SDHC: variants seen among roughly 807,000 people sequenced by gnomAD.
SDHC encodes succinate dehydrogenase cytochrome b560 subunit, mitochondrial.
Under a neutral mutation model 22.6 loss-of-function variants are expected in SDHC, and 11 were observed. The observed-to-expected ratio is 0.49, with a 90% CI of 0.31 to 0.81. SDHC has a LOEUF of 0.81. Among genes scored for constraint, SDHC ranks in the 30% least tolerant of loss-of-function variants. The pLI is 0.05. For missense variants in SDHC, 160 were observed against 212.0 expected (o/e 0.75, Z 1.52); for synonymous variants, 80 against 77.8 (o/e 1.03, Z -0.15).
At chr1:161,321,731 C>A (rs139392775) in intron 1 of SDHC, among the ~76,000 whole-genome samples, 1 of 152,146 alleles carries the variant, frequency 6.6e-6, no homozygotes, top group Non-Finnish European at 1.5e-5. Context: ...TAATATGAAG[C>A]TTTTGAAAAG....
chr1:161,321,212 A>G (rs1483513975), intron 1 of SDHC, among the ~76,000 whole-genome samples: 3 of 152,240 alleles, frequency 2.0e-5, no homozygotes, highest in African/African-American at 7.2e-5. Context: ...GATTTCAGCA[A>G]TGATTACATT....
chr1:161,331,296 C>CTCACCCAG (rs1362452068), intron 3 of SDHC, among the ~76,000 whole-genome samples: 6 of 151,844 alleles, frequency 4.0e-5, no homozygotes, highest in Non-Finnish European at 8.8e-5. Flanking sequence ...CAGACAGAGT[C>CTCACCCAG]TCACCCAGTC....
At chr1:161,328,521 AGAAT>A (rs754144140) in intron 3 of SDHC, 24 bp downstream of exon 3, 12 of 1,505,290 alleles carry the variant, frequency 8.0e-6, no homozygotes, top group Non-Finnish European at 9.3e-7. Flanking sequence ...CTGGAGCCAG[AGAAT>A]CTAGAGGTAG....
At chr1:161,315,385 G>A (rs771810770) in intron 1 of SDHC, among the ~76,000 whole-genome samples, 6 of 152,170 alleles carry the variant, frequency 3.9e-5, no homozygotes, top group Non-Finnish European at 7.4e-5. Context: ...GTTGAAATCA[G>A]GGTTATCTTA....
chr1:161,321,557 A>G (rs1024903485), intron 1 of SDHC, among the ~76,000 whole-genome samples: 4 of 152,194 alleles, frequency 2.6e-5, no homozygotes, highest in Non-Finnish European at 2.9e-5. Context: ...TCAGAGTCAC[A>G]ATTCAATTGA....
intron 4 of SDHC, among the ~76,000 whole-genome samples, chr1:161,352,405 C>A (rs1202040782): frequency 6.6e-6 from 1 of 152,012 alleles, no homozygotes; most frequent in Non-Finnish European, 1.5e-5. Context: ...TCCTTGACCT[C>A]CCAGAGATTT....
chr1:161,341,414 G>C (rs927553544), intron 4 of SDHC, among the ~76,000 whole-genome samples: 1 of 152,104 alleles, frequency 6.6e-6, no homozygotes, highest in African/African-American at 2.4e-5. Context: ...TATATAATAT[G>C]AACTGCAGCT....
At chr1:161,329,341 T>C (rs916220411) in intron 3 of SDHC, among the ~76,000 whole-genome samples, 2 of 152,130 alleles carry the variant, frequency 1.3e-5, no homozygotes, top group African/African-American at 4.8e-5. Flanking sequence ...CTTCTTTTTT[T>C]ATTTTTCTGA....
intron 5 of SDHC, among the ~76,000 whole-genome samples, chr1:161,359,662 T>A (rs937279523): frequency 6.6e-6 from 1 of 152,230 alleles, no homozygotes; most frequent in African/African-American, 2.4e-5. Flanking sequence ...AATCTTTTTG[T>A]TGAGGGAAGT....
intron 4 of SDHC, among the ~76,000 whole-genome samples, chr1:161,352,428 AT>A (rs1324518997): frequency 6.6e-6 from 1 of 152,088 alleles, no homozygotes; most frequent in African/African-American, 2.4e-5. Flanking sequence ...ATAAAAAAAA[AT>A]TTTTCCTGAT....
chr1:161,342,908 G>T (rs1671770388), intron 4 of SDHC, among the ~76,000 whole-genome samples: 1 of 152,184 alleles, frequency 6.6e-6, no homozygotes, highest in African/African-American at 2.4e-5. Flanking sequence ...CTTATGTAAA[G>T]CTCTGTCTGA....
At chr1:161,343,366 G>A (rs1014099830) in intron 4 of SDHC, among the ~76,000 whole-genome samples, 1 of 152,136 alleles carries the variant, frequency 6.6e-6, no homozygotes, top group Non-Finnish European at 1.5e-5. Context: ...ATATATGTGT[G>A]TGTGTATATA....
chr1:161,346,007 T>TG (rs1483184737), intron 4 of SDHC, among the ~76,000 whole-genome samples: 3 of 151,434 alleles, frequency 2.0e-5, no homozygotes, highest in Non-Finnish European at 2.9e-5. Context: ...GGTCTCACTA[T>TG]TTGGCCAGGC....
At chr1:161,318,592 C>G (rs1410469797) in intron 1 of SDHC, among the ~76,000 whole-genome samples, 1 of 152,152 alleles carries the variant, frequency 6.6e-6, no homozygotes, top group Non-Finnish European at 1.5e-5. Flanking sequence ...TATTAAATGC[C>G]GTATGTGAAA....
intron 3 of SDHC, among the ~76,000 whole-genome samples, chr1:161,334,240 T>C (rs987647251): frequency 2.0e-5 from 3 of 152,194 alleles, no homozygotes; most frequent in East Asian, 1.9e-4. Flanking sequence ...CAATGCTACA[T>C]TGAGTTCTTC....
intron 2 of SDHC, among the ~76,000 whole-genome samples, chr1:161,323,884 G>A (rs1430625900): frequency 2.6e-5 from 4 of 152,026 alleles, no homozygotes; most frequent in Admixed American, 2.6e-4. Flanking sequence ...TTTTAGTAGA[G>A]ACAGGGTTTC....
intron 3 of SDHC, among the ~76,000 whole-genome samples, chr1:161,331,025 G>C (rs978741356): frequency 2.0e-5 from 3 of 149,368 alleles, no homozygotes; most frequent in Admixed American, 1.3e-4. Flanking sequence ...AGAGAACCTT[G>C]TGGGTCTCCT....
intron 1 of SDHC, among the ~76,000 whole-genome samples, chr1:161,315,412 C>G (rs144175875): frequency 3.9e-5 from 6 of 152,262 alleles, no homozygotes; most frequent in African/African-American, 1.4e-4. Flanking sequence ...CATTTTCTCC[C>G]TGTTTTTCAT....
chr1:161,361,978 A>G (rs1228011406), intron 5 of SDHC, among the ~76,000 whole-genome samples: 1 of 152,050 alleles, frequency 6.6e-6, no homozygotes, highest in Non-Finnish European at 1.5e-5. Flanking sequence ...GTTTGGAAGA[A>G]TACACCTTGA....
Sources: gnomAD v4.1 joint callset for allele counts (sites outside exome capture counted in the v4.1 genomes callset) on GRCh38, gnomAD v4.1.1 for gene constraint, MANE v1.5 for transcripts, NCBI Gene and HGNC (gene_info 2026-07-23, HGNC 2026-07-21) for gene names.